BLNK: variants seen among roughly 807,000 people sequenced by gnomAD.
The protein encoded by BLNK is B cell linker.
Under a neutral mutation model 73.5 loss-of-function variants are expected in BLNK, and 29 were observed. The ratio of observed to expected loss-of-function variants is 0.39; its 90% CI spans 0.29 to 0.54. The LOEUF (loss-of-function observed/expected upper bound fraction) is 0.54, where lower values mean the gene tolerates loss of function less well. Among genes scored for constraint, BLNK ranks in the 20% least tolerant of loss-of-function variants. BLNK has a pLI of 0.61. For missense variants in BLNK, 460 were observed against 562.8 expected (o/e 0.82, Z 1.85); for synonymous variants, 176 against 200.8 (o/e 0.88, Z 1.04).
chr10:96,247,439 TCTATTAAAA>T lies in BLNK; in HGVS notation c.48-399_48-391del, dbSNP rs1302603752. 2.0e-5 allele frequency among the ~76,000 whole-genome samples: 3 copies of T among 152,312 alleles called. No individual in the cohort carries two copies. The East Asian group carries it at 5.8e-4, about 29-fold the overall frequency. ...TTTTATTAAATGGTAGTAGGTAGCATCTATTAAAACTTCCATTTAAAAGTTACTCCTACC... is the reference window on the plus strand; with the variant it reads ...TTTTATTAAATGGTAGTAGGTAGCATCTTCCATTTAAAAGTTACTCCTACC... On this transcript the variant is annotated intron_variant, in intron 1 of 16. Coordinates refer to ENST00000224337, the MANE Select transcript of BLNK (RefSeq NM_013314.4).
chr10:96,194,683 T>C (rs1216469040), intron 16 of BLNK, among the ~76,000 whole-genome samples: 1 of 150,808 alleles, frequency 6.6e-6, no homozygotes, highest in African/African-American at 2.4e-5. Context: ...TAAAATGGAA[T>C]AGACATTTCT....
Position 96,190,273 on chromosome 10 carries a change from A to G in BLNK, c.*1700T>C. The G allele has an allele frequency of 1.4e-6, 1 of 699,110 alleles. No homozygotes were observed. Among genetic ancestry groups the G allele is most frequent in the South Asian group, 1.4e-5 (1 of 70,206 alleles). 43.3% of individuals were successfully genotyped at this position (699,110 alleles called of 1,614,324 possible). A position where few individuals can be genotyped will look rare whatever the true frequency, so the allele number is the denominator to read the frequency against. On this transcript the variant is annotated 3_prime_UTR_variant, in exon 17 of 17. Coordinates refer to ENST00000224337, the MANE Select transcript of BLNK (RefSeq NM_013314.4). ...AGAAAGCAGACGGAGATAAACGACC[A>G]CTGCTCAAGAGAACAGCCATACAGG...
intron 3 of BLNK, among the ~76,000 whole-genome samples, chr10:96,233,367 C>T (rs1335951684): frequency 6.6e-6 from 1 of 152,176 alleles, no homozygotes; most frequent in Non-Finnish European, 1.5e-5. Context: ...ATCCATCCAT[C>T]CTACCGTTTG....
At chr10:96,219,186 G>A (rs368156635) in intron 6 of BLNK, among the ~76,000 whole-genome samples, 28 of 152,338 alleles carry the variant, frequency 1.8e-4, no homozygotes, top group African/African-American at 6.5e-4. Context: ...TGTGTTTCCA[G>A]TACCTGGCCA....
intron 2 of BLNK, among the ~76,000 whole-genome samples, chr10:96,246,538 G>A (rs1843052073): frequency 6.6e-6 from 1 of 152,152 alleles, no homozygotes; most frequent in Non-Finnish European, 1.5e-5. Flanking sequence ...GGCAACAAGA[G>A]CGAAACTCCA....
chr10:96,220,731 C>T (rs1003002823), intron 6 of BLNK, among the ~76,000 whole-genome samples: 9 of 136,126 alleles, frequency 6.6e-5, no homozygotes, highest in African/African-American at 2.3e-4. Flanking sequence ...CTACCATGAC[C>T]TACAGGTATT....
rs139457465 is a variant in BLNK, at chr10:96,220,426, C to T, written c.525+3400G>A. ...AGACTCGATCCAGTCTCAACAAATTCTGTTTGTAGTGTCTGCCCAACTTTC... is the reference window on the plus strand; with the variant it reads ...AGACTCGATCCAGTCTCAACAAATTTTGTTTGTAGTGTCTGCCCAACTTTC... On this transcript the variant is annotated intron_variant, in intron 6 of 16. Transcript: ENST00000224337. 2.6e-5 allele frequency among the ~76,000 whole-genome samples: 4 copies of T among 152,288 alleles called. No individual in the cohort carries two copies. The East Asian group carries it at 7.7e-4, about 29-fold the overall frequency.
intron 3 of BLNK, chr10:96,239,076 C>G: frequency 2.5e-6 from 1 of 398,570 alleles, no homozygotes; most frequent in Admixed American, 4.4e-5. Context: ...TTAGAAGATC[C>G]TGTTGGGCCA....
chr10:96,205,006 AC>A (rs1384655150), intron 11 of BLNK: 2 of 303,662 alleles, frequency 6.6e-6, no homozygotes, highest in African/African-American at 4.3e-5. Flanking sequence ...TGGAGACAAC[AC>A]CCTGGTGGGT....
At chr10:96,238,379 G>A (rs1842770910) in intron 3 of BLNK, among the ~76,000 whole-genome samples, 1 of 152,186 alleles carries the variant, frequency 6.6e-6, no homozygotes, top group Admixed American at 6.5e-5. Context: ...GAACTGGAAA[G>A]AGGACATAAA....
At chr10:96,230,703 C>T in intron 4 of BLNK, 91 bp downstream of exon 4, 1 of 1,444,420 alleles carries the variant, frequency 6.9e-7, no homozygotes, top group Non-Finnish European at 9.5e-7. Flanking sequence ...GGACGTGCGG[C>T]TGACCACCAG....
At position 96,223,958 on chromosome 10, in the gene BLNK, G is replaced by T; in HGVS notation, c.393C>A (p.Pro131=). The T allele has an allele frequency of 6.2e-7, 1 of 1,613,228 alleles. No individual in the cohort carries two copies. The highest frequency in any genetic ancestry group is 1.7e-5 in the Admixed American group (1 of 60,018). Residue 131 remains proline (P), a synonymous_variant, in exon 6 of 17, where the codon CCC becomes CCA. Coordinates refer to ENST00000224337, the MANE Select transcript of BLNK (RefSeq NM_013314.4). Reference sequence around the variant, plus strand: ...GCTTACTGGGAAGTGTCTTGCTGAAGGGTGGGGAATGCCTCTGGCTTGATC... The same window carrying T: ...GCTTACTGGGAAGTGTCTTGCTGAATGGTGGGGAATGCCTCTGGCTTGATC... The part of the protein sequence containing the change: ...DNRSSQRHSP[P]FSKTLPSKPS...
At chr10:96,252,125 C>T (rs551361359) in intron 1 of BLNK, among the ~76,000 whole-genome samples, 1 of 152,188 alleles carries the variant, frequency 6.6e-6, no homozygotes, top group Non-Finnish European at 1.5e-5. Context: ...GATCTCGGCT[C>T]ACTGCAACCT....
chr10:96,196,886 A>T, intron 16 of BLNK, 22 bp downstream of exon 16: 1 of 1,610,510 alleles, frequency 6.2e-7, no homozygotes, highest in Non-Finnish European at 8.5e-7. Context: ...TATAGAATTG[A>T]ATTTAAAAAG....
chr10:96,225,107 A>G (rs1315255211), intron 5 of BLNK, among the ~76,000 whole-genome samples: 1 of 152,230 alleles, frequency 6.6e-6, no homozygotes, highest in Non-Finnish European at 1.5e-5. Flanking sequence ...CCTAATAAGT[A>G]GAACTTATAT....
intron 1 of BLNK, among the ~76,000 whole-genome samples, chr10:96,256,464 T>G (rs1843515793): frequency 6.6e-6 from 1 of 152,226 alleles, no homozygotes; most frequent in African/African-American, 2.4e-5. Flanking sequence ...TTCCTCCTTT[T>G]TTAGGTGTTT....
intron 3 of BLNK, among the ~76,000 whole-genome samples, chr10:96,239,340 AG>A (rs1202320967): frequency 6.6e-6 from 1 of 152,232 alleles, no homozygotes; most frequent in Non-Finnish European, 1.5e-5. Flanking sequence ...CAGATCTTCT[AG>A]TTCAGGCCTG....
rs782384492 is a variant in BLNK, at chr10:96,271,459, G to T, written c.-61C>A. Reference sequence around the variant, plus strand: ...CCAGTGGTCACGTCAGCAGTTCCTGGCCCTCCTAGGGAGCAGCATGGTAAG... The same window carrying T: ...CCAGTGGTCACGTCAGCAGTTCCTGTCCCTCCTAGGGAGCAGCATGGTAAG... On this transcript the variant is annotated 5_prime_UTR_variant, in exon 1 of 17. Transcript: ENST00000224337. 3 of 1,554,574 alleles carry T rather than the reference G, an allele frequency of 1.9e-6. No individual in the cohort carries two copies. The East Asian group carries it at 6.7e-5, about 35-fold the overall frequency.
intron 3 of BLNK, among the ~76,000 whole-genome samples, chr10:96,239,606 C>T (rs1165255538): frequency 1.3e-5 from 2 of 152,084 alleles, no homozygotes; most frequent in African/African-American, 4.8e-5. Flanking sequence ...ATGATGAAGG[C>T]CTTAGCTGTA....
Sources: gnomAD v4.1 joint callset for allele counts (sites outside exome capture counted in the v4.1 genomes callset) on GRCh38, gnomAD v4.1.1 for gene constraint, MANE v1.5 for transcripts, NCBI Gene and HGNC (gene_info 2026-07-23, HGNC 2026-07-21) for gene names.